FBXO42: variants seen among roughly 807,000 people sequenced by gnomAD.
The protein encoded by FBXO42 is F-box protein 42, also known as F-box only protein 42.
In FBXO42, 12 loss-of-function variants were observed where a neutral mutation model predicts 71.7. That is an observed-to-expected ratio of 0.17 (90% CI 0.11 to 0.27). The LOEUF (loss-of-function observed/expected upper bound fraction) is 0.27. Among genes scored for constraint, FBXO42 ranks in the 10% least tolerant of loss-of-function variants. The pLI is 1.00. For missense variants in FBXO42, 707 were observed against 911.9 expected, an observed-to-expected ratio of 0.78 and a Z score of 2.89; for synonymous variants, 325 against 327.5, an observed-to-expected ratio of 0.99 and a Z score of 0.08.
At chr1:16,342,480 G>A (rs1198663917) in intron 1 of FBXO42, among the ~76,000 whole-genome samples, 1 of 151,052 alleles carries the variant, frequency 6.6e-6, no homozygotes, top group Non-Finnish European at 1.5e-5. Context: ...TACTAGGGAG[G>A]CTGGGGTAGG....
chr1:16,253,146 T>C lies in FBXO42; in HGVS notation c.871A>G (p.Ile291Val). ...HPRGGQSQIV[I>V]DDATILILGG... Reference sequence around the variant, plus strand: ...AGGATTAAGATAGTTGCATCATCTATGACAATCTGAGGAGGGGAAGACATT... The same window carrying C: ...AGGATTAAGATAGTTGCATCATCTACGACAATCTGAGGAGGGGAAGACATT... Residue 291 changes from isoleucine to valine, a missense_variant, in exon 8 of 10, where the codon ATA becomes GTA. Ile to Val is a conservative substitution (Grantham distance 29). Transcript: ENST00000375592. The C allele has an allele frequency of 1.9e-6, 3 of 1,613,432 alleles. No homozygotes were observed. Among genetic ancestry groups the C allele is most frequent in the Non-Finnish European group, 1.7e-6 (2 of 1,179,760 alleles).
intron 4 of FBXO42, among the ~76,000 whole-genome samples, chr1:16,288,416 G>A (rs1049681348): frequency 4.6e-5 from 7 of 151,050 alleles, no homozygotes; most frequent in African/African-American, 1.5e-4. Flanking sequence ...GTGACAGAGC[G>A]AGACTCCATC....
At chr1:16,347,862 G>C (rs558348325) in intron 1 of FBXO42, among the ~76,000 whole-genome samples, 1 of 151,780 alleles carries the variant, frequency 6.6e-6, no homozygotes, top group African/African-American at 2.4e-5. Flanking sequence ...GGTAGTGGGC[G>C]CCTGTAGTCT....
chr1:16,250,474 A>T lies in FBXO42; in HGVS notation c.*196T>A, dbSNP rs2081579693. ...TTTTTGTCAACAGAGTTGGCTATAT[A>T]ATATATATATATATATTTATATATA... On this transcript the variant is annotated 3_prime_UTR_variant, in exon 10 of 10. Transcript: ENST00000375592. The surrounding 1 kb of genome is among the most constrained non-coding windows in gnomAD (Gnocchi z 4.7). The T allele has an allele frequency of 6.0e-6, 1 of 166,434 alleles. No homozygotes were observed. The allele number at this position is 166,434 out of a possible 1,614,324, so 10.3% of individuals were successfully genotyped here. A position where few individuals can be genotyped will look rare whatever the true frequency, so the allele number is the denominator to read the frequency against.
At chr1:16,291,380 T>C (rs974211827) in intron 4 of FBXO42, among the ~76,000 whole-genome samples, 76 of 152,206 alleles carry the variant, frequency 5.0e-4, no homozygotes, top group African/African-American at 1.7e-3. Context: ...CTTTTTTTTT[T>C]TTAATTTATT....
intron 4 of FBXO42, among the ~76,000 whole-genome samples, chr1:16,269,485 G>T (rs989258616): frequency 6.6e-6 from 1 of 151,684 alleles, no homozygotes; most frequent in Non-Finnish European, 1.5e-5. Context: ...AGCTTCCTGA[G>T]TAGCTGAAAT....
intron 4 of FBXO42, among the ~76,000 whole-genome samples, chr1:16,272,073 T>C (rs1254094704): frequency 1.4e-5 from 2 of 139,686 alleles, no homozygotes; most frequent in African/African-American, 5.4e-5. Context: ...GAGAATTGCA[T>C]GAATCTGGGA....
chr1:16,316,432 C>T (rs995320874), intron 1 of FBXO42, among the ~76,000 whole-genome samples: 1 of 151,826 alleles, frequency 6.6e-6, no homozygotes. Flanking sequence ...GTTATTTCCA[C>T]TTACAAAATA....
chr1:16,349,481 C>T (rs1475166205), intron 1 of FBXO42, among the ~76,000 whole-genome samples: 1 of 152,226 alleles, frequency 6.6e-6, no homozygotes, highest in Non-Finnish European at 1.5e-5. Context: ...TTTTACAAAG[C>T]ACTTTCACGA....
chr1:16,273,443 T>C lies in FBXO42; in HGVS notation c.503-16684A>G, dbSNP rs115418711. Among the ~76,000 whole-genome samples the C allele has an allele frequency of 4.7e-3, 709 of 152,290 alleles. 7 individuals are homozygous for C. The highest frequency in any genetic ancestry group is 0.016 in the African/African-American group (660 of 41,564). ...GGAAATGGAGAGCTCTCTGGGATGC[T>C]TGCTATGTCTAAAATATCTCTTAAA... On this transcript the variant is annotated intron_variant, in intron 4 of 9. Coordinates refer to ENST00000375592, the MANE Select transcript of FBXO42 (RefSeq NM_018994.3).
chr1:16,295,837 C>T (rs1402573955), intron 3 of FBXO42, among the ~76,000 whole-genome samples: 1 of 152,154 alleles, frequency 6.6e-6, no homozygotes, highest in Non-Finnish European at 1.5e-5. Context: ...GTAGTATGGT[C>T]TTGGACTAGT....
chr1:16,299,639 AATT>A (rs1012569825), intron 3 of FBXO42, among the ~76,000 whole-genome samples: 1 of 151,996 alleles, frequency 6.6e-6, no homozygotes, highest in African/African-American at 2.4e-5. Context: ...TAATACGCTT[AATT>A]ATTATTATTA....
At chr1:16,329,162 CAAAAA>C (rs1221377687) in intron 1 of FBXO42, among the ~76,000 whole-genome samples, 2 of 60,442 alleles carry the variant, frequency 3.3e-5, no homozygotes, top group Admixed American at 1.8e-4. Flanking sequence ...GACTCTGTCT[CAAAAA>C]AAAAAAAAAA....
chr1:16,270,136 G>A (rs1415271021), intron 4 of FBXO42, among the ~76,000 whole-genome samples: 8 of 152,112 alleles, frequency 5.3e-5, no homozygotes, highest in African/African-American at 1.9e-4. Flanking sequence ...GATTACAGGT[G>A]TGAGCCACCA....
At chr1:16,263,949 T>C (rs1262146836) in intron 4 of FBXO42, among the ~76,000 whole-genome samples, 1 of 151,698 alleles carries the variant, frequency 6.6e-6, no homozygotes, top group Non-Finnish European at 1.5e-5. Context: ...TAGCTGGGAT[T>C]AGAGGTGTGT....
intron 4 of FBXO42, among the ~76,000 whole-genome samples, chr1:16,271,826 A>G (rs547404794): frequency 1.8e-4 from 28 of 152,062 alleles, no homozygotes; most frequent in Admixed American, 1.8e-3. Context: ...CATACCTAGC[A>G]TAGTCATTGG....
At chr1:16,270,496 T>A in intron 4 of FBXO42, among the ~76,000 whole-genome samples, 1 of 151,554 alleles carries the variant, frequency 6.6e-6, no homozygotes, top group Non-Finnish European at 1.5e-5. Context: ...ATAAATATAA[T>A]CATGTCCCTT....
rs903941277 is a variant in FBXO42 at position 16,278,123 on chromosome 1, G to A, written c.502+16660C>T. Among the ~76,000 whole-genome samples, 8 of 152,252 alleles carry A rather than the reference G, an allele frequency of 5.3e-5. No homozygotes were observed. The East Asian group carries it at 9.7e-4, about 18-fold the overall frequency. ...TGTAATCCCAGCACTTTGGGAGGCC[G>A]AGGCGGGCGGATCACCTGAGGCTGG... On this transcript the variant is annotated intron_variant, in intron 4 of 9. Transcript: ENST00000375592.
intron 1 of FBXO42, among the ~76,000 whole-genome samples, chr1:16,338,804 CTTTTTTTTTTT>C (rs71574177): frequency 4.9e-5 from 4 of 80,960 alleles, no homozygotes; most frequent in East Asian, 4.0e-4. Context: ...TTCCATTTGT[CTTTTTTTTTTT>C]TTTTTTTTTT....
Sources: allele counts gnomAD v4.1 joint callset (sites outside exome capture counted in the v4.1 genomes callset), GRCh38; gene constraint gnomAD v4.1.1; non-coding constraint Gnocchi (gnomAD v3.1); transcripts MANE v1.5; gene names NCBI Gene and HGNC (gene_info 2026-07-23, HGNC 2026-07-21).